Variants in ST3GAL3 observed in about 807,000 individuals in gnomAD.
ST3GAL3 encodes the protein ST3 beta-galactoside alpha-2,3-sialyltransferase 3, also known as CMP-N-acetylneuraminate-beta-1,4-galactoside alpha-2,3-sialyltransferase.
A neutral mutation model predicts 50.1 loss-of-function variants in ST3GAL3; 21 were observed. The observed-to-expected ratio is 0.42, with a 90% confidence interval of 0.30 to 0.60. The LOEUF (loss-of-function observed/expected upper bound fraction) is 0.60, where lower values mean the gene tolerates loss of function less well. ST3GAL3 is among the 20% of genes least tolerant of loss of function. The pLI is 0.19. For synonymous variants in ST3GAL3, 183 were observed against 190.0 expected, an observed-to-expected ratio of 0.96 and a Z score of 0.30; for missense variants, 353 against 489.4, an observed-to-expected ratio of 0.72 and a Z score of 2.63.
At chr1:43,745,958 G>A (rs1683438659) in intron 2 of ST3GAL3, among the ~76,000 whole-genome samples, 1 of 152,208 alleles carries the variant, frequency 6.6e-6, no homozygotes, top group Non-Finnish European at 1.5e-5. Context: ...AAATACCATT[G>A]TGTTACAATT....
chr1:43,928,160 A>C (rs1478721424), intron 11 of ST3GAL3, among the ~76,000 whole-genome samples: 1 of 152,192 alleles, frequency 6.6e-6, no homozygotes, highest in Non-Finnish European at 1.5e-5. Context: ...TCATTTATTT[A>C]TTATTTTTCA....
intron 1 of ST3GAL3, among the ~76,000 whole-genome samples, chr1:43,721,169 C>T (rs1252556971): frequency 1.3e-5 from 2 of 151,160 alleles, no homozygotes; most frequent in Non-Finnish European, 2.9e-5. Context: ...CACTTGAGCC[C>T]AGTAGTTGGA....
intron 2 of ST3GAL3, among the ~76,000 whole-genome samples, chr1:43,784,677 CTG>C (rs1160738602): frequency 6.6e-6 from 1 of 152,150 alleles, no homozygotes; most frequent in Non-Finnish European, 1.5e-5. Flanking sequence ...AGTAAGAACT[CTG>C]TATATGTTTG....
intron 5 of ST3GAL3, chr1:43,878,882 A>T (rs1357723262): frequency 2.9e-6 from 1 of 347,996 alleles, no homozygotes; most frequent in African/African-American, 2.1e-5. Context: ...GCACAATTCT[A>T]AGTACTGGGG....
chr1:43,708,694 A>G (rs901561463), intron 1 of ST3GAL3, among the ~76,000 whole-genome samples: 6 of 152,244 alleles, frequency 3.9e-5, no homozygotes, highest in East Asian at 3.8e-4. Context: ...AGCTCCTCCT[A>G]TGATTAGAGA....
intron 9 of ST3GAL3, among the ~76,000 whole-genome samples, chr1:43,905,106 A>C (rs1253953788): frequency 1.3e-3 from 19 of 14,844 alleles, no homozygotes; most frequent in Admixed American, 2.7e-3. Flanking sequence ...CCTACCCTTC[A>C]TCCTCTTCCT....
intron 1 of ST3GAL3, among the ~76,000 whole-genome samples, chr1:43,715,712 T>A (rs1210651755): frequency 6.6e-6 from 1 of 152,096 alleles, no homozygotes; most frequent in African/African-American, 2.4e-5. Flanking sequence ...TGCCTGAGCC[T>A]AGGAGGTTGA....
intron 3 of ST3GAL3, among the ~76,000 whole-genome samples, chr1:43,800,762 A>G (rs1308669611): frequency 5.9e-5 from 9 of 152,220 alleles, no homozygotes; most frequent in Admixed American, 5.9e-4. Flanking sequence ...AAGATGCTCA[A>G]TAAATAGTAG....
chr1:43,807,967 A>G (rs2060096669), intron 3 of ST3GAL3, among the ~76,000 whole-genome samples: 1 of 152,098 alleles, frequency 6.6e-6, no homozygotes, highest in Non-Finnish European at 1.5e-5. Flanking sequence ...AAGTGTCTGT[A>G]GGACACCGAA....
chr1:43,885,290 G>A (rs1400229372), intron 5 of ST3GAL3, among the ~76,000 whole-genome samples: 1 of 152,050 alleles, frequency 6.6e-6, no homozygotes, highest in Non-Finnish European at 1.5e-5. Context: ...ACTCTCCCAG[G>A]GCCCAAAACC....
intron 3 of ST3GAL3, among the ~76,000 whole-genome samples, chr1:43,813,887 AC>A (rs1558416943): frequency 2.5e-5 from 1 of 39,772 alleles, no homozygotes; most frequent in African/African-American, 5.3e-5. Context: ...ACACACACAC[AC>A]ACACACGCAC....
chr1:43,758,152 G>T, intron 2 of ST3GAL3, among the ~76,000 whole-genome samples: 1 of 146,504 alleles, frequency 6.8e-6, no homozygotes, highest in Non-Finnish European at 1.5e-5. Flanking sequence ...TACTCCATTG[G>T]CTGCATACCA....
intron 5 of ST3GAL3, among the ~76,000 whole-genome samples, chr1:43,854,671 G>T (rs1450168760): frequency 2.0e-5 from 3 of 152,148 alleles, no homozygotes; most frequent in African/African-American, 7.2e-5. Context: ...CTTCCTGCTG[G>T]ACAGCTCCAC....
chr1:43,837,096 G>T (rs922319056), intron 4 of ST3GAL3, among the ~76,000 whole-genome samples: 2 of 152,124 alleles, frequency 1.3e-5, no homozygotes, highest in Non-Finnish European at 2.9e-5. Context: ...GGTTAAATCA[G>T]CCTCTGACCT....
chr1:43,720,911 G>T (rs1423954546), intron 1 of ST3GAL3, among the ~76,000 whole-genome samples: 1 of 152,102 alleles, frequency 6.6e-6, no homozygotes, highest in African/African-American at 2.4e-5. Flanking sequence ...ATAAAATATG[G>T]TATATTCCTA....
rs75146822 is a variant in ST3GAL3, at chr1:43,782,492, C to A, written c.119-9610C>A. 5.2e-3 allele frequency among the ~76,000 whole-genome samples: 787 copies of A among 152,270 alleles called. 7 individuals carry two copies. The highest frequency in any genetic ancestry group is 0.018 in the African/African-American group (743 of 41,548). On this transcript the variant is annotated intron_variant, in intron 2 of 11. Coordinates refer to ENST00000347631, the MANE Select transcript of ST3GAL3 (RefSeq NM_006279.5). Reference sequence around the variant, plus strand: ...TTTCTCTACTCTGTCTACTTTTACTCAATAAAATCCAGACTCCTAACTTGG... The same window carrying A: ...TTTCTCTACTCTGTCTACTTTTACTAAATAAAATCCAGACTCCTAACTTGG...
At chr1:43,858,612 C>A (rs1443940200) in intron 5 of ST3GAL3, among the ~76,000 whole-genome samples, 2 of 152,196 alleles carry the variant, frequency 1.3e-5, no homozygotes, top group Non-Finnish European at 2.9e-5. Flanking sequence ...CTGTGTGAGG[C>A]TCCCAGCCAG....
At chr1:43,742,779 TGTA>T (rs374693883) in intron 2 of ST3GAL3, among the ~76,000 whole-genome samples, 91 of 152,304 alleles carry the variant, frequency 6.0e-4, no homozygotes, top group African/African-American at 2.0e-3. Context: ...ACCTGAAAAG[TGTA>T]GTAACTGAAA....
chr1:43,910,381 A>G (rs2080594048), intron 9 of ST3GAL3, among the ~76,000 whole-genome samples: 1 of 152,226 alleles, frequency 6.6e-6, no homozygotes, highest in Non-Finnish European at 1.5e-5. Context: ...ATCTTCTGCC[A>G]CAATTCACAT....
Sources: gnomAD v4.1 joint callset for allele counts (sites outside exome capture counted in the v4.1 genomes callset) on GRCh38, gnomAD v4.1.1 for gene constraint, MANE v1.5 for transcripts, NCBI Gene and HGNC (gene_info 2026-07-23, HGNC 2026-07-21) for gene names.